Variants in SARDH observed in about 807,000 individuals in gnomAD.
SARDH encodes sarcosine dehydrogenase.
SARDH carries 95 observed loss-of-function variants against 109.1 expected under a neutral mutation model. The ratio of observed to expected loss-of-function variants is 0.87; its 90% confidence interval spans 0.74 to 1.03. The LOEUF (loss-of-function observed/expected upper bound fraction) is 1.03, where lower values mean the gene tolerates loss of function less well. Among genes scored for constraint, SARDH ranks in the 50% least tolerant of loss-of-function variants. The pLI, the probability that SARDH is intolerant of heterozygous loss-of-function variation, is 0.00. For synonymous variants in SARDH, 572 were observed against 534.8 expected (o/e 1.07, Z -0.96); for missense variants, 1,267 against 1,287.8 (o/e 0.98, Z 0.25).
chr9:133,698,031 G>GA (rs935835471), intron 13 of SARDH, among the ~76,000 whole-genome samples: 6 of 105,856 alleles, frequency 5.7e-5, no homozygotes, highest in South Asian at 3.0e-4. Context: ...AGAAAAAAAA[G>GA]AAAAAAAACT....
chr9:133,724,278 T>G (rs915053518), intron 6 of SARDH, among the ~76,000 whole-genome samples: 3 of 152,196 alleles, frequency 2.0e-5, no homozygotes, highest in African/African-American at 4.8e-5. Flanking sequence ...ACAAAGGACC[T>G]GTATCCAGAA....
intron 10 of SARDH, among the ~76,000 whole-genome samples, chr9:133,711,474 C>A (rs1478730837): frequency 6.6e-6 from 1 of 152,212 alleles, no homozygotes; most frequent in East Asian, 1.9e-4. Context: ...CGGGACATTC[C>A]TCGCTTGGGA....
intron 8 of SARDH, among the ~76,000 whole-genome samples, chr9:133,717,080 G>A (rs532086600): frequency 2.0e-5 from 3 of 152,344 alleles, no homozygotes; most frequent in East Asian, 1.9e-4. Context: ...CCTTGAGGCA[G>A]GAGGAGGCCC....
downstream of SARDH, chr9:133,663,497 C>T: frequency 3.9e-6 from 1 of 259,024 alleles, no homozygotes; most frequent in Non-Finnish European, 7.4e-6. Context: ...CCAAGTGCCC[C>T]AGGGAAGCCC....
chr9:133,712,560 A>AC lies in SARDH; in HGVS notation c.1328+58dup. 2 of 1,468,492 alleles carry AC rather than the reference A, an allele frequency of 1.4e-6. No individual in the cohort carries two copies. Among genetic ancestry groups the AC allele is most frequent in the Non-Finnish European group, 1.9e-6 (2 of 1,059,806 alleles). The allele number at this position is 1,468,492 out of a possible 1,614,324, so 91.0% of individuals were successfully genotyped here. Reference sequence around the variant, plus strand: ...CCTTTCTCAGTAGCCCTCGCTGTTTACCCCACGCCACCTGTCCTGAGTGGC... The same window carrying AC: ...CCTTTCTCAGTAGCCCTCGCTGTTTACCCCCACGCCACCTGTCCTGAGTGGC... On this transcript the variant is annotated intron_variant, in intron 10 of 20. Coordinates refer to ENST00000439388, the MANE Select transcript of SARDH (RefSeq NM_001134707.2). This position sits in a 1 kb window ranked among gnomAD's most constrained non-coding sequence, Gnocchi z 4.1.
chr9:133,663,727 GT>G lies in SARDH; in HGVS notation c.*161del. 3.1e-6 allele frequency: 3 copies of G among 968,504 alleles called. No individual in the cohort carries two copies. Among genetic ancestry groups the G allele is most frequent in the Non-Finnish European group, 4.7e-6 (3 of 641,684 alleles). The allele number at this position is 968,504 out of a possible 1,614,324, so 60.0% of individuals were successfully genotyped here. A position where few individuals can be genotyped will look rare whatever the true frequency, so the allele number is the denominator to read the frequency against. ...AGTGACCACAGGATGGGCCATCTTG[GT>G]CTCTGTCCGTATCTGGTTTGGGGGT... On this transcript the variant is annotated 3_prime_UTR_variant, in exon 21 of 21. Coordinates refer to ENST00000439388, the MANE Select transcript of SARDH (RefSeq NM_001134707.2).
At position 133,705,106 on chromosome 9, in the gene SARDH, C is replaced by A. The variant is rs115340872; in HGVS notation, c.1471-75G>T. ...TGCGCAGGGCAGAGAGCCACATCCG[C>A]CACTTTACACCCAAGGGTGCGGAGA... On this transcript the variant is annotated intron_variant, in intron 11 of 20. Transcript: ENST00000439388. The A allele has an allele frequency of 2.5e-3, 3,572 of 1,401,672 alleles. 77 individuals are homozygous for A. In the African/African-American group the frequency reaches 0.044, roughly 17 times the overall value. 86.8% of individuals were successfully genotyped at this position (1,401,672 alleles called of 1,614,324 possible).
chr9:133,683,030 G>C (rs567323437), intron 17 of SARDH, among the ~76,000 whole-genome samples: 2 of 152,334 alleles, frequency 1.3e-5, no homozygotes, highest in East Asian at 3.9e-4. Context: ...TGCACCCCCT[G>C]CACCCCCCAC....
chr9:133,670,703 C>G lies in SARDH; in HGVS notation c.2376G>C (p.Glu792Asp), dbSNP rs1265990748. 2.5e-6 allele frequency: 4 copies of G among 1,605,290 alleles called. No homozygotes were observed. In the African/African-American group the frequency reaches 5.4e-5, roughly 22 times the overall value. ...GCTTGCAGGTGAAGGCCAGGCCTGC[C>G]TCCAGGGGGCTGTCGTCTGGCCGCA... ...ADLRPDDSPL[E>D]AGLAFTCKLK... Residue 792 changes from glutamate to aspartate, a missense_variant, in exon 19 of 21, where the codon GAG becomes GAC. Glu to Asp is a conservative substitution (Grantham distance 45). Transcript: ENST00000439388.
intron 3 of SARDH, 81 bp downstream of exon 3, chr9:133,732,342 T>C: frequency 1.7e-6 from 1 of 582,360 alleles, no homozygotes; most frequent in South Asian, 2.1e-5. Context: ...CCACAGGGGG[T>C]GCACCCACCA....
intron 17 of SARDH, among the ~76,000 whole-genome samples, chr9:133,679,896 C>T (rs1360915098): frequency 6.6e-6 from 1 of 152,256 alleles, no homozygotes; most frequent in Non-Finnish European, 1.5e-5. Flanking sequence ...GGCCCTTGTC[C>T]TCATCGGCCC....
intron 10 of SARDH, among the ~76,000 whole-genome samples, chr9:133,711,991 C>T (rs2131445651): frequency 6.6e-6 from 1 of 152,350 alleles, no homozygotes; most frequent in Middle Eastern, 3.4e-3. Context: ...GGCAGAAGGC[C>T]ATCGGGATAG....
Position 133,666,924 on chromosome 9 carries a change from C to G in SARDH, c.2496-54G>C. The G allele has an allele frequency of 6.2e-7, 1 of 1,603,438 alleles. No individual in the cohort carries two copies. ...CCCCAGAAACCGCAGGGTGGGGACG[C>G]GTCCACAGCGGCCTGGAGGAGAATG... On this transcript the variant is annotated intron_variant, in intron 19 of 20. Coordinates refer to ENST00000439388, the MANE Select transcript of SARDH (RefSeq NM_001134707.2). This position sits in a 1 kb window ranked among gnomAD's most constrained non-coding sequence, Gnocchi z 5.2.
At chr9:133,733,562 C>T (rs1387102076) in intron 2 of SARDH, among the ~76,000 whole-genome samples, 2 of 152,210 alleles carry the variant, frequency 1.3e-5, no homozygotes, top group Non-Finnish European at 2.9e-5. Context: ...GGGGCTTCTG[C>T]CCTCTGGACA....
chr9:133,685,098 C>A lies in SARDH; in HGVS notation c.2163+95G>T, dbSNP rs558168499. 196 of 1,076,038 alleles carry A rather than the reference C, an allele frequency of 1.8e-4. 1 individual carries two copies. In the Admixed American group the frequency reaches 2.5e-3, roughly 14 times the overall value. The allele number at this position is 1,076,038 out of a possible 1,614,324, so 66.7% of individuals were successfully genotyped here. A position where few individuals can be genotyped will look rare whatever the true frequency, so the allele number is the denominator to read the frequency against. ...ACCGAGGCCCAGGGAGGCAAAGGAACCTGCCCGAGAGCCCCCAGCCCCCAG... is the reference window on the plus strand; with the variant it reads ...ACCGAGGCCCAGGGAGGCAAAGGAAACTGCCCGAGAGCCCCCAGCCCCCAG... On this transcript the variant is annotated intron_variant, in intron 17 of 20. Coordinates refer to ENST00000439388, the MANE Select transcript of SARDH (RefSeq NM_001134707.2).
chr9:133,711,154 C>T (rs1831903470), intron 10 of SARDH, among the ~76,000 whole-genome samples: 1 of 152,254 alleles, frequency 6.6e-6, no homozygotes, highest in South Asian at 2.1e-4. Context: ...CATGAGCAAA[C>T]ATCCTGTCTG....
chr9:133,679,693 C>G (rs1479139483), intron 17 of SARDH, among the ~76,000 whole-genome samples: 1 of 152,236 alleles, frequency 6.6e-6, no homozygotes, highest in Non-Finnish European at 1.5e-5. Context: ...AACTTCTCCC[C>G]ACCCTGCTTC....
downstream of SARDH, chr9:133,659,475 T>G (rs1439681555): frequency 6.6e-6 from 1 of 152,284 alleles, no homozygotes; most frequent in African/African-American, 2.4e-5. Flanking sequence ...TGGGTGGGTC[T>G]CCCCTTCCTG....
chr9:133,693,735 A>AG lies in SARDH; in HGVS notation c.1921+522dup, dbSNP rs1401061703. Among the ~76,000 whole-genome samples the AG allele has an allele frequency of 6.6e-6, 1 of 152,180 alleles. No homozygotes were observed. The highest frequency in any genetic ancestry group is 1.5e-5 in the Non-Finnish European group (1 of 68,028). ...TTGGGGCTGAGCAAACAAGGGATGAAGGTACTGAGCTACCTGTCCCTGAGG... is the reference window on the plus strand; with the variant it reads ...TTGGGGCTGAGCAAACAAGGGATGAAGGGTACTGAGCTACCTGTCCCTGAGG... On this transcript the variant is annotated intron_variant, in intron 15 of 20. Coordinates refer to ENST00000439388, the MANE Select transcript of SARDH (RefSeq NM_001134707.2). This position sits in a 1 kb window ranked among gnomAD's most constrained non-coding sequence, Gnocchi z 5.6.
Sources: allele counts gnomAD v4.1 joint callset (sites outside exome capture counted in the v4.1 genomes callset), GRCh38; gene constraint gnomAD v4.1.1; non-coding constraint Gnocchi (gnomAD v3.1); transcripts MANE v1.5; gene names NCBI Gene and HGNC (gene_info 2026-07-23, HGNC 2026-07-21).